ERC1: variants seen among roughly 807,000 people sequenced by gnomAD.
ERC1 encodes the protein ELKS/RAB6-interacting/CAST family member 1.
In ERC1, 56 loss-of-function variants were observed where a neutral mutation model predicts 132.0. The ratio of observed to expected loss-of-function variants is 0.42; its 90% CI spans 0.34 to 0.53. The LOEUF is 0.53. Among genes scored for constraint, ERC1 ranks in the 20% least tolerant of loss-of-function variants. ERC1 has a pLI of 0.03. For missense variants in ERC1, 1,202 were observed against 1,349.9 expected, an observed-to-expected ratio of 0.89 and a Z score of 1.72; for synonymous variants, 478 against 476.1, an observed-to-expected ratio of 1.00 and a Z score of -0.05.
At chr12:1,448,941 G>C (rs2093366024) in intron 18 of ERC1, among the ~76,000 whole-genome samples, 1 of 152,258 alleles carries the variant, frequency 6.6e-6, no homozygotes, top group Non-Finnish European at 1.5e-5. Flanking sequence ...CCTGTGCCCT[G>C]CAGAGCCACA....
intron 17 of ERC1, among the ~76,000 whole-genome samples, chr12:1,436,039 G>A (rs1439745083): frequency 6.6e-6 from 1 of 152,148 alleles, no homozygotes; most frequent in Non-Finnish European, 1.5e-5. Flanking sequence ...CTCAGCAGTA[G>A]ACTTATATCT....
At chr12:1,247,921 G>A (rs1027500706) in intron 13 of ERC1, among the ~76,000 whole-genome samples, 7 of 152,158 alleles carry the variant, frequency 4.6e-5, no homozygotes, top group African/African-American at 1.7e-4. Context: ...GCTTGAACCT[G>A]GGAGGTGGAG....
At chr12:1,302,293 C>T (rs1042741663) in intron 15 of ERC1, among the ~76,000 whole-genome samples, 4 of 152,060 alleles carry the variant, frequency 2.6e-5, no homozygotes, top group African/African-American at 9.7e-5. Flanking sequence ...TAATAAAAGG[C>T]AACACCCATT....
chr12:1,093,797 T>C (rs950170787), intron 3 of ERC1, among the ~76,000 whole-genome samples: 7 of 150,924 alleles, frequency 4.6e-5, no homozygotes, highest in African/African-American at 1.7e-4. Context: ...TGAGGACTGC[T>C]TGTCAGTTTG....
rs1328859775 is a variant in ERC1, at chr12:1,141,273, T to G, written c.1570-347T>G. On this transcript the variant is annotated intron_variant, in intron 7 of 18. Transcript: ENST00000360905. The stretch of plus-strand genomic sequence containing the variant: ...GTGTTATGCTTGGTGATGCTTTTTT[T>G]CCCTTTTCCTCATTTTAGATTTTCT... 2.6e-5 allele frequency among the ~76,000 whole-genome samples: 4 copies of G among 152,336 alleles called. No homozygotes were observed. In the East Asian group the frequency reaches 7.7e-4, roughly 29 times the overall value.
At chr12:1,189,636 A>T (rs1594086047) in intron 11 of ERC1, among the ~76,000 whole-genome samples, 1 of 152,350 alleles carries the variant, frequency 6.6e-6, no homozygotes, top group East Asian at 1.9e-4. Flanking sequence ...GAGATGTGTT[A>T]TTTAAAACAA....
chr12:1,143,109 G>T (rs1393030394), intron 8 of ERC1, among the ~76,000 whole-genome samples: 2 of 152,132 alleles, frequency 1.3e-5, no homozygotes, highest in African/African-American at 4.8e-5. Context: ...CACCATGTTG[G>T]CCAGGCCGGT....
chr12:1,409,264 T>A (rs1450642103), intron 17 of ERC1, among the ~76,000 whole-genome samples: 1 of 152,228 alleles, frequency 6.6e-6, no homozygotes, highest in Non-Finnish European at 1.5e-5. Context: ...AATGGAGAGC[T>A]ATCTGCCTGG....
At chr12:1,449,334 G>A (rs545925176) in intron 18 of ERC1, among the ~76,000 whole-genome samples, 15 of 152,206 alleles carry the variant, frequency 9.9e-5, no homozygotes, top group South Asian at 8.3e-4. Context: ...GGGAGGGGCC[G>A]GGGCAGAATG....
intron 17 of ERC1, among the ~76,000 whole-genome samples, chr12:1,437,809 G>C (rs1409313171): frequency 1.3e-5 from 2 of 152,098 alleles, no homozygotes; most frequent in Non-Finnish European, 2.9e-5. Context: ...AGAAAAATTG[G>C]CAACAGATTT....
chr12:1,492,824 A>C lies in ERC1; in HGVS notation c.*2594A>C, dbSNP rs2094329036. 8.6e-6 allele frequency: 2 copies of C among 231,290 alleles called. No homozygotes were observed. The highest frequency in any genetic ancestry group is 1.7e-5 in the Non-Finnish European group (2 of 116,820). 14.3% of individuals were successfully genotyped at this position (231,290 alleles called of 1,614,324 possible). ...GTGTCTCATTGAGTCTAGATCATTG[A>C]ACCAACACTTAACCAAATGTCCCAC... is the stretch of plus-strand genomic sequence containing the variant. On this transcript the variant is annotated 3_prime_UTR_variant, in exon 19 of 19. Transcript: ENST00000360905.
intron 18 of ERC1, among the ~76,000 whole-genome samples, chr12:1,464,066 T>C (rs1413348599): frequency 1.3e-5 from 2 of 151,978 alleles, no homozygotes; most frequent in East Asian, 1.9e-4. Flanking sequence ...GGAGTGTGAG[T>C]GTAAGGGAGA....
intron 14 of ERC1, among the ~76,000 whole-genome samples, chr12:1,279,311 G>A (rs1304172083): frequency 6.6e-6 from 1 of 152,150 alleles, no homozygotes. Context: ...GACATAGTAT[G>A]ACCAAAAAAT....
chr12:1,447,983 T>C (rs185138660), intron 18 of ERC1, among the ~76,000 whole-genome samples: 1 of 152,256 alleles, frequency 6.6e-6, no homozygotes, highest in African/African-American at 2.4e-5. Context: ...ATATTTTTGC[T>C]CAGTCCTGTA....
At chr12:1,156,318 G>A (rs1278040361) in intron 8 of ERC1, among the ~76,000 whole-genome samples, 4 of 151,676 alleles carry the variant, frequency 2.6e-5, no homozygotes, top group South Asian at 2.1e-4. Flanking sequence ...AGCTCACTAC[G>A]GCCTCTGCCT....
chr12:1,434,697 A>G (rs2092902558), intron 17 of ERC1, among the ~76,000 whole-genome samples: 1 of 152,152 alleles, frequency 6.6e-6, no homozygotes, highest in African/African-American at 2.4e-5. Flanking sequence ...TCTTCCAGAG[A>G]TGGGTGTTAC....
At chr12:1,125,259 G>A (rs976618260) in intron 7 of ERC1, among the ~76,000 whole-genome samples, 1 of 152,112 alleles carries the variant, frequency 6.6e-6, no homozygotes, top group East Asian at 1.9e-4. Context: ...CTCCCAGAGT[G>A]CTGGGATTAC....
chr12:1,442,321 C>G (rs1197102161), intron 17 of ERC1, among the ~76,000 whole-genome samples: 2 of 152,210 alleles, frequency 1.3e-5, no homozygotes, highest in Non-Finnish European at 2.9e-5. Flanking sequence ...ACTCTAAATT[C>G]TCTACTTGAT....
At chr12:1,093,006 T>C (rs568325840) in intron 3 of ERC1, among the ~76,000 whole-genome samples, 1 of 152,290 alleles carries the variant, frequency 6.6e-6, no homozygotes, top group African/African-American at 2.4e-5. Flanking sequence ...TGTGTCATGA[T>C]TTATTTGGAG....
Sources: allele counts gnomAD v4.1 joint callset (sites outside exome capture counted in the v4.1 genomes callset), GRCh38; gene constraint gnomAD v4.1.1; transcripts MANE v1.5; gene names NCBI Gene and HGNC (gene_info 2026-07-23, HGNC 2026-07-21).